Variants in ZNF25 observed in about 807,000 individuals in gnomAD.
ZNF25 encodes the protein zinc finger protein 25 (KOX 19).
ZNF25 carries 21 observed loss-of-function variants against 30.9 expected under a neutral mutation model. The ratio of observed to expected loss-of-function variants is 0.68; its 90% CI spans 0.48 to 0.98. The LOEUF is 0.98. ZNF25 is among the 50% of genes least tolerant of loss of function. ZNF25 has a pLI of 0.00. For synonymous variants in ZNF25, 169 were observed against 181.3 expected, an observed-to-expected ratio of 0.93 and a Z score of 0.55; for missense variants, 501 against 529.9, an observed-to-expected ratio of 0.95 and a Z score of 0.54.
At chr10:37,966,462 A>C (rs1329278172) in intron 2 of ZNF25, among the ~76,000 whole-genome samples, 1 of 152,068 alleles carries the variant, frequency 6.6e-6, no homozygotes, top group Non-Finnish European at 1.5e-5. Context: ...TTACAAAGAA[A>C]AGAGGTTTAA....
chr10:37,958,401 TG>T, intron 2 of ZNF25, among the ~76,000 whole-genome samples: 1 of 152,210 alleles, frequency 6.6e-6, no homozygotes, highest in Admixed American at 6.5e-5. Context: ...ATACCTATTG[TG>T]GGTACATAAT....
intron 1 of ZNF25, among the ~76,000 whole-genome samples, chr10:37,972,150 G>A (rs2144848): frequency 0.78 from 119,138 of 152,126 alleles, 46,809 homozygotes; most frequent in South Asian, 0.87. Context: ...ATATTTATTG[G>A]CACATAAAAG....
intron 5 of ZNF25, 123 bp downstream of exon 5, chr10:37,953,572 G>A: frequency 1.2e-6 from 1 of 860,966 alleles, no homozygotes; most frequent in Non-Finnish European, 1.9e-6. Context: ...TATTCCTTGG[G>A]ATTTGCTCTG....
intron 2 of ZNF25, among the ~76,000 whole-genome samples, chr10:37,964,375 T>C (rs1196925478): frequency 6.6e-6 from 1 of 152,178 alleles, no homozygotes; most frequent in Non-Finnish European, 1.5e-5. Flanking sequence ...GAGGGAATGT[T>C]TGAAACTTCT....
chr10:37,964,385 T>TA lies in ZNF25; in HGVS notation c.16-6840dup, dbSNP rs545559998. Among the ~76,000 whole-genome samples the TA allele has an allele frequency of 7.2e-5, 11 of 152,320 alleles. No individual in the cohort carries two copies. In the East Asian group the frequency reaches 1.2e-3, roughly 16 times the overall value. ...AAGCTGAGGGAATGTTTGAAACTTC[T>TA]AAGAGACGGATTAAATGGTCGTGAC... On this transcript the variant is annotated intron_variant, in intron 2 of 5. Transcript: ENST00000302609.
At chr10:37,973,585 A>T (rs1157218822) in intron 1 of ZNF25, among the ~76,000 whole-genome samples, 1 of 132,058 alleles carries the variant, frequency 7.6e-6, no homozygotes, top group Non-Finnish European at 1.6e-5. Flanking sequence ...CACCAAACTG[A>T]GCCCTTGTCT....
intron 2 of ZNF25, among the ~76,000 whole-genome samples, chr10:37,969,069 C>T (rs1241040475): frequency 2.0e-5 from 3 of 152,008 alleles, no homozygotes; most frequent in Admixed American, 6.6e-5. Context: ...AATGCAAAAC[C>T]GCAACAATAC....
At position 37,952,940 on chromosome 10, in the gene ZNF25, T is replaced by C. The variant is rs916056301; in HGVS notation, c.558A>G (p.Leu186=). Residue 186 remains leucine, a synonymous_variant, in exon 6 of 6, where the codon CTA becomes CTG. Transcript: ENST00000302609. Reference sequence around the variant, plus strand: ...TTCTCAGATGTCTACTGAGAGATGATAGGTGGTAAAATATTTTCTTACATT... The same window carrying C: ...TTCTCAGATGTCTACTGAGAGATGACAGGTGGTAAAATATTTTCTTACATT... ...CKECKKIFYH[L]SSLSRHLRTH... 6 of 1,614,072 alleles carry C rather than the reference T, an allele frequency of 3.7e-6. No homozygotes were observed. Among genetic ancestry groups the C allele is most frequent in the Admixed American group, 3.3e-5 (2 of 60,000 alleles).
At chr10:37,963,392 G>A (rs2062999630) in intron 2 of ZNF25, among the ~76,000 whole-genome samples, 1 of 152,146 alleles carries the variant, frequency 6.6e-6, no homozygotes, top group South Asian at 2.1e-4. Context: ...AAAGTGCTGG[G>A]ATTATAGGCG....
At chr10:37,959,070 A>C (rs1789328525) in intron 2 of ZNF25, among the ~76,000 whole-genome samples, 1 of 152,126 alleles carries the variant, frequency 6.6e-6, no homozygotes, top group Non-Finnish European at 1.5e-5. Context: ...TAAATTTAAC[A>C]AGTTTGTTTT....
chr10:37,965,005 T>TTCC (rs1249012399), intron 2 of ZNF25, among the ~76,000 whole-genome samples: 1 of 152,152 alleles, frequency 6.6e-6, no homozygotes, highest in African/African-American at 2.4e-5. Flanking sequence ...GCTGCTCTGG[T>TTCC]TCCAGCTTCA....
chr10:37,965,445 T>G (rs1322236054), intron 2 of ZNF25, among the ~76,000 whole-genome samples: 9 of 152,178 alleles, frequency 5.9e-5, no homozygotes, highest in Non-Finnish European at 1.0e-4. Flanking sequence ...TTAAAGCAGA[T>G]TTCTTAACAG....
intron 1 of ZNF25, among the ~76,000 whole-genome samples, chr10:37,974,439 A>T (rs1427518645): frequency 6.6e-6 from 1 of 152,182 alleles, no homozygotes; most frequent in Non-Finnish European, 1.5e-5. Context: ...AATTTGATTT[A>T]AAAAAATTGA....
At position 37,950,508 on chromosome 10, in the gene ZNF25, A is replaced by C. The variant is rs988527651; in HGVS notation, c.*1619T>G. 37 of 152,556 alleles carry C rather than the reference A, an allele frequency of 2.4e-4. No individual in the cohort carries two copies. Among genetic ancestry groups the C allele is most frequent in the Admixed American group, 2.6e-4 (4 of 15,266 alleles). The allele number at this position is 152,556 out of a possible 1,614,324, so 9.5% of individuals were successfully genotyped here. On this transcript the variant is annotated 3_prime_UTR_variant, in exon 6 of 6. Transcript: ENST00000302609. Reference sequence around the variant, plus strand: ...TTGTAGGAAAACAAACAAACAACAAACAACCAAATCAAGGCACTGGCAGCA... The same window carrying C: ...TTGTAGGAAAACAAACAAACAACAACCAACCAAATCAAGGCACTGGCAGCA...
chr10:37,973,238 G>A (rs2063597366), intron 1 of ZNF25, among the ~76,000 whole-genome samples: 1 of 149,814 alleles, frequency 6.7e-6, no homozygotes, highest in Non-Finnish European at 1.5e-5. Context: ...AATCAAGAAA[G>A]CAATCCCATT....
Position 37,952,469 on chromosome 10 carries a change from T to A in ZNF25, c.1029A>T (p.Glu343Asp), listed in dbSNP as rs772623669. The A allele has an allele frequency of 1.2e-6, 2 of 1,613,146 alleles. No homozygotes were observed. Among genetic ancestry groups the A allele is most frequent in the Non-Finnish European group, 1.7e-6 (2 of 1,179,876 alleles). The stretch of plus-strand genomic sequence containing the variant: ...AAAATGTTTTCCCACATTTATTACA[T>A]TCAAAGGGTTTCTCCCCTGTGTGAG... ...QRTHTGEKPF[E>D]CNKCGKTFYY... Residue 343 changes from glutamate (E) to aspartate (D), a missense_variant, in exon 6 of 6, where the codon GAA (glutamate) becomes GAT (aspartate). Glu to Asp is a conservative substitution (Grantham distance 45). Coordinates refer to ENST00000302609, the MANE Select transcript of ZNF25 (RefSeq NM_145011.4).
rs1004055866 is a variant in ZNF25 at position 37,972,057 on chromosome 10, C to T, written c.-85-250G>A. Among the ~76,000 whole-genome samples, 4 of 152,058 alleles carry T rather than the reference C, an allele frequency of 2.6e-5. No individual in the cohort carries two copies. The South Asian group carries it at 6.2e-4, about 24-fold the overall frequency. ...CAAAAGAATCGAAAACTTAAATATC[C>T]AATAATGACTGATTAAATAACATGT... On this transcript the variant is annotated intron_variant, in intron 1 of 5. Coordinates refer to ENST00000302609, the MANE Select transcript of ZNF25 (RefSeq NM_145011.4).
chr10:37,967,505 G>A (rs2063251915), intron 2 of ZNF25, among the ~76,000 whole-genome samples: 1 of 151,660 alleles, frequency 6.6e-6, no homozygotes, highest in Non-Finnish European at 1.5e-5. Flanking sequence ...GACCTCCCCA[G>A]GCTCAGGTGA....
chr10:37,961,178 G>T (rs921431979), intron 2 of ZNF25, among the ~76,000 whole-genome samples: 2 of 152,098 alleles, frequency 1.3e-5, no homozygotes, highest in Non-Finnish European at 2.9e-5. Flanking sequence ...CTTCACCAGG[G>T]TCCCTAAATA....
Sources: gnomAD v4.1 joint callset for allele counts (sites outside exome capture counted in the v4.1 genomes callset) on GRCh38, gnomAD v4.1.1 for gene constraint, MANE v1.5 for transcripts, NCBI Gene and HGNC (gene_info 2026-07-23, HGNC 2026-07-21) for gene names.